Variants in TRPC7 observed in about 807,000 individuals in gnomAD.
TRPC7 encodes the protein short transient receptor potential channel 7.
Under a neutral mutation model 90.1 loss-of-function variants are expected in TRPC7, and 42 were observed. The observed-to-expected ratio is 0.47, with a 90% CI of 0.36 to 0.60. The LOEUF (loss-of-function observed/expected upper bound fraction) is 0.60, where lower values mean the gene tolerates loss of function less well. Ranked by LOEUF, TRPC7 falls within the 20% of genes least tolerant of loss-of-function variation. The probability of loss-of-function intolerance (pLI) is 0.00; values close to 1 mark genes in which losing one functional copy is unlikely to be tolerated. For missense variants in TRPC7, 955 were observed against 1,112.3 expected (o/e 0.86, Z 2.01); for synonymous variants, 451 against 436.3 (o/e 1.03, Z -0.42).
intron 4 of TRPC7, among the ~76,000 whole-genome samples, chr5:136,269,721 C>G (rs1349095487): frequency 6.6e-6 from 1 of 152,150 alleles, no homozygotes; most frequent in East Asian, 1.9e-4. Flanking sequence ...GGGTGATTCT[C>G]AAATGTTAGC....
chr5:136,348,545 G>A (rs953096), intron 2 of TRPC7, among the ~76,000 whole-genome samples: 101,058 of 152,112 alleles, frequency 0.66, 33,722 homozygotes, highest in Admixed American at 0.72. Flanking sequence ...TGATTACATG[G>A]AGGACACCTA....
intron 3 of TRPC7, among the ~76,000 whole-genome samples, chr5:136,309,799 A>C (rs996217540): frequency 1.3e-5 from 2 of 152,182 alleles, no homozygotes; most frequent in African/African-American, 4.8e-5. Context: ...AAAAGCCACT[A>C]TGACTTTAGT....
intron 3 of TRPC7, among the ~76,000 whole-genome samples, chr5:136,308,379 C>A (rs537466130): frequency 7.2e-5 from 11 of 152,220 alleles, no homozygotes; most frequent in Admixed American, 2.6e-4. Flanking sequence ...AGGCATCCTG[C>A]AGTGCAGTTT....
At chr5:136,362,604 G>A (rs1308281960) in intron 1 of TRPC7, among the ~76,000 whole-genome samples, 1 of 152,116 alleles carries the variant, frequency 6.6e-6, no homozygotes, top group Non-Finnish European at 1.5e-5. Context: ...AGATGATGAA[G>A]TGATGGTCAA....
At chr5:136,300,589 G>A (rs759019882) in intron 3 of TRPC7, among the ~76,000 whole-genome samples, 7 of 152,280 alleles carry the variant, frequency 4.6e-5, no homozygotes, top group Non-Finnish European at 1.0e-4. Context: ...GGCAACTACC[G>A]GGCAACTACC....
chr5:136,349,953 A>G (rs1340329997), intron 2 of TRPC7, among the ~76,000 whole-genome samples: 3 of 152,314 alleles, frequency 2.0e-5, no homozygotes, highest in Non-Finnish European at 4.4e-5. Flanking sequence ...GATATGTTAT[A>G]TACACAAATT....
chr5:136,364,772 A>AC (rs1760671021), intron 1 of TRPC7, among the ~76,000 whole-genome samples: 1 of 152,192 alleles, frequency 6.6e-6, no homozygotes, highest in African/African-American at 2.4e-5. Flanking sequence ...CATAGCTCAG[A>AC]CCATATTTTC....
intron 1 of TRPC7, among the ~76,000 whole-genome samples, 170 bp downstream of exon 1, chr5:136,365,082 AT>A (rs887009912): frequency 1.4e-5 from 2 of 145,064 alleles, no homozygotes; most frequent in African/African-American, 5.1e-5. Flanking sequence ...GAAAAAAAAA[AT>A]TTCTTCTACC....
rs1240117846 is a variant in TRPC7, at chr5:136,213,302, G to A, written c.*133C>T. On this transcript the variant is annotated 3_prime_UTR_variant, in exon 12 of 12. Coordinates refer to ENST00000513104, the MANE Select transcript of TRPC7 (RefSeq NM_020389.3). Reference sequence around the variant, plus strand: ...GCTGGAGATGTCAGTCATGCTGCAAGAGACTGAGCCAGGAGATCCCCTTCG... The same window carrying A: ...GCTGGAGATGTCAGTCATGCTGCAAAAGACTGAGCCAGGAGATCCCCTTCG... 1.9e-5 allele frequency: 17 copies of A among 899,164 alleles called. No homozygotes were observed. Among genetic ancestry groups the A allele is most frequent in the Non-Finnish European group, 2.9e-5 (17 of 593,062 alleles). The allele number at this position is 899,164 out of a possible 1,614,324, so 55.7% of individuals were successfully genotyped here.
chr5:136,334,916 A>G (rs1424212932), intron 2 of TRPC7, among the ~76,000 whole-genome samples: 1 of 152,208 alleles, frequency 6.6e-6, no homozygotes, highest in East Asian at 1.9e-4. Context: ...CTGACTGTTC[A>G]AGGCCCCTTA....
At chr5:136,331,893 G>A (rs751608313) in intron 2 of TRPC7, among the ~76,000 whole-genome samples, 3 of 152,144 alleles carry the variant, frequency 2.0e-5, no homozygotes, top group Admixed American at 6.5e-5. Context: ...ATACAACCAT[G>A]AGCAGAATGG....
intron 2 of TRPC7, among the ~76,000 whole-genome samples, chr5:136,321,236 A>T (rs1759187296): frequency 6.6e-6 from 1 of 152,110 alleles, no homozygotes. Flanking sequence ...GGCACACTTG[A>T]GGCTCAATTG....
Position 136,315,739 on chromosome 5 carries a change from A to G in TRPC7, c.821T>C (p.Val274Ala), listed in dbSNP as rs1411744797. ...RKLSMQCKDF[V>A]VGVLDLCRDT... ...TCGGCACAGGTCCAGCACGCCCACT[A>G]CAAAATCCTTGCATTGCATAGATAA... The change falls in exon 3 of 12, where the codon GTA becomes GCA. Residue 274 changes from valine to alanine, a missense_variant. Val to Ala is a moderately conservative substitution (Grantham distance 64). Coordinates refer to ENST00000513104, the MANE Select transcript of TRPC7 (RefSeq NM_020389.3). 6.2e-7 allele frequency: 1 copy of G among 1,614,024 alleles called. No homozygotes were observed. Among genetic ancestry groups the G allele is most frequent in the Non-Finnish European group, 8.5e-7 (1 of 1,179,946 alleles).
chr5:136,357,467 A>G, intron 1 of TRPC7, 82 bp from the exon 2 acceptor site: 1 of 1,342,292 alleles, frequency 7.4e-7, no homozygotes, highest in South Asian at 1.5e-5. Flanking sequence ...TGAGATACAC[A>G]AAGAATATCA....
Position 136,247,742 on chromosome 5 carries a change from G to A in TRPC7, c.1580-7C>T. On this transcript the variant is annotated splice_polypyrimidine_tract_variant and splice_region_variant and intron_variant, in intron 6 of 11. Transcript: ENST00000513104. This position sits in a 1 kb window ranked among gnomAD's most constrained non-coding sequence, Gnocchi z 4.2. ...GGCCACCACTTGTCCCTGGCTAAAA[G>A]AAAACAATCTGGGTTACTCACGAGG... is the stretch of plus-strand genomic sequence containing the variant. 2 of 1,610,002 alleles carry A rather than the reference G, an allele frequency of 1.2e-6. No individual in the cohort carries two copies. Among genetic ancestry groups the A allele is most frequent in the Non-Finnish European group, 1.7e-6 (2 of 1,177,190 alleles).
intron 2 of TRPC7, among the ~76,000 whole-genome samples, chr5:136,318,106 G>A (rs1759085405): frequency 6.6e-6 from 1 of 152,196 alleles, no homozygotes; most frequent in South Asian, 2.1e-4. Flanking sequence ...CTGCGAGGAA[G>A]AAGATGACAG....
chr5:136,302,972 A>C (rs13161866), intron 3 of TRPC7, among the ~76,000 whole-genome samples: 18,393 of 151,488 alleles, frequency 0.12, 1,173 homozygotes, highest in African/African-American at 0.14. Context: ...CTCCCCTCCT[A>C]GCCAGGCCGA....
At chr5:136,293,599 C>A (rs1422539673) in intron 3 of TRPC7, among the ~76,000 whole-genome samples, 2 of 152,134 alleles carry the variant, frequency 1.3e-5, no homozygotes, top group Non-Finnish European at 2.9e-5. Context: ...TGAAGGACCT[C>A]TTCAAGGAGA....
chr5:136,328,266 A>C (rs1010515518), intron 2 of TRPC7, among the ~76,000 whole-genome samples: 1 of 152,178 alleles, frequency 6.6e-6, no homozygotes, highest in African/African-American at 2.4e-5. Flanking sequence ...AGAGCAGGAT[A>C]GGGCTGGCTC....
Sources: gnomAD v4.1 joint callset for allele counts (sites outside exome capture counted in the v4.1 genomes callset) on GRCh38, gnomAD v4.1.1 for gene constraint, Gnocchi (gnomAD v3.1) non-coding constraint, MANE v1.5 for transcripts, NCBI Gene and HGNC (gene_info 2026-07-23, HGNC 2026-07-21) for gene names.